BTD: variants seen among roughly 807,000 people sequenced by gnomAD.
BTD encodes the protein biotinidase, also known as biocytinase.
BTD carries 13 observed loss-of-function variants against 17.7 expected under a neutral mutation model. That is an observed-to-expected ratio of 0.74 (90% CI 0.48 to 1.17). The LOEUF is 1.17. Among genes scored for constraint, BTD ranks in the 50% most tolerant of loss-of-function variants. The pLI is 0.00. For missense variants in BTD, 674 were observed against 650.4 expected (o/e 1.04, Z -0.39); for synonymous variants, 240 against 245.2 (o/e 0.98, Z 0.20).
At chr3:15,671,061 A>G (rs1324169066) in intron 3 of BTD, among the ~76,000 whole-genome samples, 1 of 152,226 alleles carries the variant, frequency 6.6e-6, no homozygotes, top group East Asian at 1.9e-4. Context: ...TGCTCAAAAG[A>G]TATGTGTTGA....
At chr3:15,706,765 T>C (rs1044922395) in intron 3 of BTD, among the ~76,000 whole-genome samples, 8 of 152,228 alleles carry the variant, frequency 5.3e-5, no homozygotes, top group Non-Finnish European at 1.2e-4. Context: ...TTTCCTGACT[T>C]TTTAATGATT....
rs1255454631 is a variant in BTD at position 15,623,005 on chromosome 3, C to T, written c.-16-12419C>T. Among the ~76,000 whole-genome samples the T allele has an allele frequency of 3.3e-5, 5 of 152,190 alleles. No individual in the cohort carries two copies. The East Asian group carries it at 9.6e-4, about 29-fold the overall frequency. ...GGCTGGGGAGGCTTCACAATCATGG[C>T]AGAAGGCAAATGAGGAGCAAAGGCA... On this transcript the variant is annotated intron_variant, in intron 1 of 3. Transcript: ENST00000643237.
At chr3:15,602,232 C>G in intron 1 of BTD, 1 of 1,313,858 alleles carries the variant, frequency 7.6e-7, no homozygotes, top group East Asian at 3.2e-5. Context: ...AGATCCAGAC[C>G]GTGCCTGAGA....
intron 2 of BTD, 28 bp from the exon 3 acceptor site, chr3:15,641,880 G>A: frequency 6.6e-7 from 1 of 1,516,416 alleles, no homozygotes. Flanking sequence ...TCTGATAACA[G>A]ACTATTCTTT....
chr3:15,635,451 CAGA>C lies in BTD; in HGVS notation c.15_17del (p.Arg5del). ...TTGTGGTCTGCATTATGTCTGGAGCCAGAAGTAAGCTTGCTCTTTTCCTCTGCG... is the reference window on the plus strand; with the variant it reads ...TTGTGGTCTGCATTATGTCTGGAGCCAGTAAGCTTGCTCTTTTCCTCTGCG... On this transcript the variant is annotated inframe_deletion, in exon 2 of 4. Coordinates refer to ENST00000643237, the MANE Select transcript of BTD (RefSeq NM_001370658.1). The surrounding 1 kb of genome is among the most constrained non-coding windows in gnomAD (Gnocchi z 4.1). 1 of 1,614,226 alleles carries C rather than the reference CAGA, an allele frequency of 6.2e-7. No individual in the cohort carries two copies. The highest frequency in any genetic ancestry group is 8.5e-7 in the Non-Finnish European group (1 of 1,180,046).
intron 3 of BTD, chr3:15,709,884 GA>G (rs2071987397): frequency 1.8e-6 from 1 of 542,666 alleles, no homozygotes; most frequent in Non-Finnish European, 3.2e-6. Flanking sequence ...ATAAAACATT[GA>G]AATTCATCTT....
At chr3:15,689,869 TA>T (rs1372391873) in intron 3 of BTD, 5 of 670,260 alleles carry the variant, frequency 7.5e-6, no homozygotes, top group Admixed American at 5.9e-5. Context: ...TGAATAAAGT[TA>T]TTTGGTGAGG....
chr3:15,713,650 TAGGACTTACTGTC>T, downstream of BTD: 2 of 1,568,982 alleles, frequency 1.3e-6, no homozygotes, highest in Non-Finnish European at 1.7e-6. Flanking sequence ...TCCTGCAATA[TAGGACTTACTGTC>T]AGACACTGGA....
At chr3:15,690,003 A>C (rs1395279365) in intron 3 of BTD, 2 of 1,585,850 alleles carry the variant, frequency 1.3e-6, no homozygotes, top group Non-Finnish European at 1.7e-6. Flanking sequence ...TAAATCAAGC[A>C]TAATATCTGG....
At chr3:15,720,266 G>GT (rs573481408) in intron 4 of BTD, among the ~76,000 whole-genome samples, 2 of 151,524 alleles carry the variant, frequency 1.3e-5, no homozygotes, top group Admixed American at 1.3e-4. Flanking sequence ...CACACTGACA[G>GT]TTTTTTTTCC....
chr3:15,643,832 G>A (rs1056671955), intron 3 of BTD, among the ~76,000 whole-genome samples: 5 of 148,502 alleles, frequency 3.4e-5, no homozygotes, highest in Non-Finnish European at 7.4e-5. Context: ...TGAGACGAGA[G>A]GATTGCTTGA....
At chr3:15,658,489 C>T (rs985537825), downstream of BTD, among the ~76,000 whole-genome samples, 2 of 152,032 alleles carry the variant, frequency 1.3e-5, no homozygotes, top group African/African-American at 2.4e-5. Flanking sequence ...AGCCTTTGTA[C>T]ATGTAGCCCA....
chr3:15,620,234 C>T (rs2064909714), intron 1 of BTD, among the ~76,000 whole-genome samples: 2 of 152,204 alleles, frequency 1.3e-5, no homozygotes, highest in African/African-American at 4.8e-5. Context: ...CCTAGCAAGC[C>T]TGAGGGTTCT....
chr3:15,603,734 G>A (rs73030390), intron 1 of BTD, among the ~76,000 whole-genome samples: 15,176 of 152,234 alleles, frequency 0.1, 961 homozygotes, highest in East Asian at 0.34. Context: ...ATGGGTGCAC[G>A]GGAGTGAGGT....
rs1370867232 is a variant in BTD at position 15,665,575 on chromosome 3, GCATTCC to G, written c.399+23522_399+23527del. 9.2e-5 allele frequency among the ~76,000 whole-genome samples: 14 copies of G among 152,344 alleles called. No individual in the cohort carries two copies. In the East Asian group the frequency reaches 2.7e-3, roughly 29 times the overall value. ...ACAGGAACAAAGGAAAGGCTACCAA[GCATTCC>G]CATGGAAAAGTTGAAACAGCAACAA... is the stretch of plus-strand genomic sequence containing the variant. On this transcript the variant is annotated intron_variant, in intron 3 of 3. Transcript: ENST00000672141.
rs2064253868 is a variant in BTD, at chr3:15,601,822, T to C, written c.-89T>C. ...CGCCATTGTCTCCGAGTCGGCCAGC[T>C]GGAGCGTTTTCGGGGCTGTAAAGGG... On this transcript the variant is annotated 5_prime_UTR_variant, in exon 1 of 4. Transcript: ENST00000643237. 6.2e-7 allele frequency: 1 copy of C among 1,614,084 alleles called. No individual in the cohort carries two copies.
intron 3 of BTD, among the ~76,000 whole-genome samples, chr3:15,671,323 G>A (rs889763460): frequency 2.0e-5 from 3 of 152,128 alleles, no homozygotes; most frequent in Non-Finnish European, 4.4e-5. Context: ...TCTTGAGGAC[G>A]GAGCGGGAGA....
chr3:15,665,837 C>T, intron 3 of BTD, among the ~76,000 whole-genome samples: 1 of 152,184 alleles, frequency 6.6e-6, no homozygotes, highest in Admixed American at 6.5e-5. Flanking sequence ...TATAACTTTT[C>T]TATTTTAGCC....
rs918758088 is a variant in BTD at position 15,652,832 on chromosome 3, T to A, written c.*7344T>A. On this transcript the variant is annotated 3_prime_UTR_variant, in exon 4 of 4. Transcript: ENST00000643237. ...ATCAAGTGCTATTAGTGGCTATTAT[T>A]TGTTGGGTTACACAAAGCCAGAAAT... Among the ~76,000 whole-genome samples the A allele has an allele frequency of 6.6e-6, 1 of 152,180 alleles. No individual in the cohort carries two copies. The highest frequency in any genetic ancestry group is 2.4e-5 in the African/African-American group (1 of 41,452).
Sources: allele counts gnomAD v4.1 joint callset (sites outside exome capture counted in the v4.1 genomes callset), GRCh38; gene constraint gnomAD v4.1.1; non-coding constraint Gnocchi (gnomAD v3.1); transcripts MANE v1.5; gene names NCBI Gene and HGNC (gene_info 2026-07-23, HGNC 2026-07-21).